Variants in PDE7B observed in about 807,000 individuals in gnomAD.
PDE7B encodes 3',5'-cyclic-AMP phosphodiesterase 7B.
PDE7B carries 29 observed loss-of-function variants against 56.2 expected under a neutral mutation model. That is an observed-to-expected ratio of 0.52 (90% CI 0.38 to 0.70). The LOEUF (loss-of-function observed/expected upper bound fraction) is 0.70, where lower values mean the gene tolerates loss of function less well. Ranked by LOEUF, PDE7B falls within the 30% of genes least tolerant of loss-of-function variation. The probability of loss-of-function intolerance (pLI) is 0.00; values close to 1 mark genes in which losing one functional copy is unlikely to be tolerated. For missense variants in PDE7B, 490 were observed against 565.0 expected, an observed-to-expected ratio of 0.87 and a Z score of 1.35; for synonymous variants, 197 against 196.9, an observed-to-expected ratio of 1.00 and a Z score of 0.00.
At chr6:136,002,255 T>A (rs922525765) in intron 2 of PDE7B, among the ~76,000 whole-genome samples, 6 of 152,188 alleles carry the variant, frequency 3.9e-5, no homozygotes, top group African/African-American at 1.4e-4. Context: ...CAAGCCAAAT[T>A]GTCAAGACCG....
At chr6:136,165,978 C>T in intron 8 of PDE7B, among the ~76,000 whole-genome samples, 1 of 152,172 alleles carries the variant, frequency 6.6e-6, no homozygotes, top group African/African-American at 2.4e-5. Context: ...AACCTAAGGC[C>T]ATCAAAATGA....
chr6:136,010,061 A>C (rs544637836), intron 2 of PDE7B, among the ~76,000 whole-genome samples: 1 of 152,110 alleles, frequency 6.6e-6, no homozygotes, highest in Admixed American at 6.6e-5. Context: ...AGATCTTTCT[A>C]ACTTTTCTAT....
At chr6:136,121,766 G>T (rs547799484) in intron 3 of PDE7B, among the ~76,000 whole-genome samples, 35 of 152,308 alleles carry the variant, frequency 2.3e-4, no homozygotes, top group African/African-American at 7.9e-4. Flanking sequence ...CTGGATTTTT[G>T]TAAGTAGAAG....
At chr6:135,859,027 A>G (rs1313222177) in intron 1 of PDE7B, among the ~76,000 whole-genome samples, 1 of 151,746 alleles carries the variant, frequency 6.6e-6, no homozygotes, top group African/African-American at 2.4e-5. Context: ...CTGTTTGGAT[A>G]TGATTTATAC....
At chr6:135,966,516 T>C (rs6570058) in intron 2 of PDE7B, among the ~76,000 whole-genome samples, 69,812 of 151,950 alleles carry the variant, frequency 0.46, 16,341 homozygotes, top group Admixed American at 0.56. Flanking sequence ...GAAAGTTGTC[T>C]ACTGACAACA....
intron 1 of PDE7B, among the ~76,000 whole-genome samples, chr6:135,909,676 G>A (rs1776177858): frequency 6.6e-6 from 1 of 152,062 alleles, no homozygotes; most frequent in Non-Finnish European, 1.5e-5. Context: ...AATCATATAT[G>A]TTATTTTTAT....
At chr6:136,171,013 T>A (rs538055473) in intron 8 of PDE7B, among the ~76,000 whole-genome samples, 6 of 152,246 alleles carry the variant, frequency 3.9e-5, no homozygotes. Context: ...TTATAACTAC[T>A]CTTGAAACCA....
chr6:136,020,319 T>A (rs1776049851), intron 2 of PDE7B, among the ~76,000 whole-genome samples: 1 of 152,200 alleles, frequency 6.6e-6, no homozygotes, highest in South Asian at 2.1e-4. Context: ...AGAATTTGAC[T>A]TTTTTGGCAA....
At chr6:135,885,022 A>G (rs1042259512) in intron 1 of PDE7B, among the ~76,000 whole-genome samples, 2 of 152,148 alleles carry the variant, frequency 1.3e-5, no homozygotes, top group Admixed American at 6.6e-5. Flanking sequence ...GGGGATTTCC[A>G]TGCCGTCACT....
At chr6:136,112,580 G>A (rs1263600916) in intron 3 of PDE7B, 1 of 151,764 alleles carries the variant, frequency 6.6e-6, no homozygotes, top group East Asian at 1.9e-4. Context: ...AAAGCCACAA[G>A]CACATTCAGT....
chr6:135,951,611 C>A (rs1774700317), intron 2 of PDE7B, among the ~76,000 whole-genome samples: 1 of 152,078 alleles, frequency 6.6e-6, no homozygotes, highest in Non-Finnish European at 1.5e-5. Context: ...TTTAGTGCTT[C>A]TTTGTATCTC....
intron 2 of PDE7B, among the ~76,000 whole-genome samples, chr6:136,083,565 T>C (rs1644167096): frequency 6.6e-6 from 1 of 152,240 alleles, no homozygotes; most frequent in South Asian, 2.1e-4. Context: ...TGCCATGTGA[T>C]ACTGACCTGG....
intron 2 of PDE7B, among the ~76,000 whole-genome samples, chr6:136,027,478 A>C (rs1776171631): frequency 1.3e-5 from 2 of 151,934 alleles, no homozygotes; most frequent in African/African-American, 4.8e-5. Context: ...ATAATTAACC[A>C]CCCATGTTTT....
At chr6:136,136,949 C>T (rs1778222391) in intron 3 of PDE7B, among the ~76,000 whole-genome samples, 1 of 151,900 alleles carries the variant, frequency 6.6e-6, no homozygotes, top group South Asian at 2.1e-4. Flanking sequence ...GAATTTATTC[C>T]AATTTAATCA....
At chr6:135,933,800 C>T (rs772377737) in intron 1 of PDE7B, among the ~76,000 whole-genome samples, 11 of 152,156 alleles carry the variant, frequency 7.2e-5, no homozygotes, top group Non-Finnish European at 1.2e-4. Flanking sequence ...CAAGATTTCT[C>T]AATTTCATTG....
chr6:136,182,773 TATAA>T (rs1779086738), intron 11 of PDE7B, among the ~76,000 whole-genome samples: 1 of 152,154 alleles, frequency 6.6e-6, no homozygotes, highest in African/African-American at 2.4e-5. Context: ...AAATGTAACC[TATAA>T]GATCTCTTTT....
At chr6:135,856,737 C>G (rs1004017489) in intron 1 of PDE7B, among the ~76,000 whole-genome samples, 6 of 152,016 alleles carry the variant, frequency 3.9e-5, no homozygotes, top group African/African-American at 1.4e-4. Flanking sequence ...TTGGATAAAC[C>G]TAAAAACAAC....
At chr6:136,181,719 G>A (rs947828172) in intron 11 of PDE7B, among the ~76,000 whole-genome samples, 1 of 151,484 alleles carries the variant, frequency 6.6e-6, no homozygotes, top group Non-Finnish European at 1.5e-5. Context: ...CACTCTGACA[G>A]AAGGACTTAG....
intron 2 of PDE7B, among the ~76,000 whole-genome samples, chr6:136,027,959 G>A (rs1479423890): frequency 1.3e-5 from 2 of 152,110 alleles, no homozygotes; most frequent in Non-Finnish European, 2.9e-5. Context: ...TGGATATATT[G>A]CATCTATATT....
Sources: gnomAD v4.1 joint callset for allele counts (sites outside exome capture counted in the v4.1 genomes callset) on GRCh38, gnomAD v4.1.1 for gene constraint, MANE v1.5 for transcripts, NCBI Gene and HGNC (gene_info 2026-07-23, HGNC 2026-07-21) for gene names.